Variants in ECT2 observed in about 807,000 individuals in gnomAD.
ECT2 encodes epithelial cell transforming 2.
A neutral mutation model predicts 116.9 loss-of-function variants in ECT2; 61 were observed. That is an observed-to-expected ratio of 0.52 (90% CI 0.42 to 0.65). The LOEUF is 0.65. ECT2 is among the 30% of genes least tolerant of loss of function. The pLI is 0.00. For synonymous variants in ECT2, 358 were observed against 346.4 expected, an observed-to-expected ratio of 1.03 and a Z score of -0.37; for missense variants, 937 against 1,078.7, an observed-to-expected ratio of 0.87 and a Z score of 1.84.
At chr3:172,763,626 T>A (rs2108338537) in intron 11 of ECT2, among the ~76,000 whole-genome samples, 1 of 152,272 alleles carries the variant, frequency 6.6e-6, no homozygotes, top group African/African-American at 2.4e-5. Flanking sequence ...AAGATGAGTT[T>A]GATAGTAGAA....
At position 172,805,873 on chromosome 3, in the gene ECT2, T is replaced by A. The variant is rs1407658220; in HGVS notation, c.2245+4T>A. On this transcript the variant is annotated splice_donor_region_variant and intron_variant, in intron 21 of 24. Transcript: ENST00000392692. The stretch of plus-strand genomic sequence containing the variant: ...TTGGACATAAGAGAGACAGAAGGTA[T>A]GCCGGTCGGATACATTCTTGGTTAT... 2 of 1,612,206 alleles carry A rather than the reference T, an allele frequency of 1.2e-6. No homozygotes were observed. Among genetic ancestry groups the A allele is most frequent in the Non-Finnish European group, 1.7e-6 (2 of 1,179,122 alleles).
intron 1 of ECT2, among the ~76,000 whole-genome samples, chr3:172,753,110 TAG>T (rs754666427): frequency 1.3e-5 from 2 of 152,174 alleles, no homozygotes; most frequent in African/African-American, 4.8e-5. Context: ...AAAATTTTTT[TAG>T]AGAGACAGGG....
At chr3:172,805,177 CTA>C (rs1030973782) in intron 20 of ECT2, among the ~76,000 whole-genome samples, 4 of 151,400 alleles carry the variant, frequency 2.6e-5, no homozygotes, top group African/African-American at 9.8e-5. Context: ...TGGGTAAAAT[CTA>C]TGTTTTCTTA....
intron 18 of ECT2, among the ~76,000 whole-genome samples, chr3:172,790,992 TA>T (rs1326837683): frequency 6.6e-6 from 1 of 152,160 alleles, no homozygotes; most frequent in African/African-American, 2.4e-5. Flanking sequence ...CCATCTGTAC[TA>T]AAAGTACAAA....
intron 16 of ECT2, 139 bp downstream of exon 16, chr3:172,784,048 G>A: frequency 8.4e-6 from 5 of 594,838 alleles, no homozygotes; most frequent in Non-Finnish European, 1.4e-5. Context: ...GTACTTATGG[G>A]TGACCATGAT....
chr3:172,811,575 A>G (rs531772905), intron 22 of ECT2, among the ~76,000 whole-genome samples: 1 of 152,152 alleles, frequency 6.6e-6, no homozygotes, highest in African/African-American at 2.4e-5. Flanking sequence ...TAGTTCATTG[A>G]TGGTTATTAA....
At chr3:172,761,190 G>T (rs2108293437) in intron 7 of ECT2, among the ~76,000 whole-genome samples, 1 of 152,236 alleles carries the variant, frequency 6.6e-6, no homozygotes, top group East Asian at 1.9e-4. Context: ...GTCTCCCTTA[G>T]TGTATTTGTG....
At chr3:172,791,951 C>T (rs1559991597) in intron 18 of ECT2, among the ~76,000 whole-genome samples, 1 of 152,136 alleles carries the variant, frequency 6.6e-6, no homozygotes, top group Admixed American at 6.5e-5. Flanking sequence ...GTGACTCCTC[C>T]TTTCACTTAA....
At chr3:172,811,691 C>G (rs1330999899) in intron 22 of ECT2, among the ~76,000 whole-genome samples, 1 of 152,036 alleles carries the variant, frequency 6.6e-6, no homozygotes, top group African/African-American at 2.4e-5. Context: ...AGCATTTCAG[C>G]AAAATTAAAC....
At chr3:172,789,314 C>T (rs1724216138) in intron 18 of ECT2, among the ~76,000 whole-genome samples, 1 of 151,698 alleles carries the variant, frequency 6.6e-6, no homozygotes, top group Non-Finnish European at 1.5e-5. Context: ...CCACCTCCTC[C>T]CACCTCATCC....
chr3:172,791,915 AG>A (rs2108823284), intron 18 of ECT2, among the ~76,000 whole-genome samples: 1 of 152,306 alleles, frequency 6.6e-6, no homozygotes, highest in Non-Finnish European at 1.5e-5. Context: ...AATCATTTCT[AG>A]CTTTTGATTT....
At chr3:172,797,712 T>G (rs1024820755) in intron 18 of ECT2, among the ~76,000 whole-genome samples, 1 of 152,226 alleles carries the variant, frequency 6.6e-6, no homozygotes, top group African/African-American at 2.4e-5. Context: ...TTTGCCTTTT[T>G]GATAACTGGC....
chr3:172,825,643 CTCTT>C (rs1205855574), downstream of ECT2, among the ~76,000 whole-genome samples: 6 of 152,298 alleles, frequency 3.9e-5, no homozygotes, highest in South Asian at 6.2e-4. Flanking sequence ...ATCCTTAACT[CTCTT>C]TCAATTCTAT....
intron 12 of ECT2, among the ~76,000 whole-genome samples, chr3:172,766,736 A>G (rs1719468070): frequency 6.6e-6 from 1 of 152,240 alleles, no homozygotes; most frequent in East Asian, 1.9e-4. Context: ...AGTTACATTA[A>G]GGCAGAACTA....
chr3:172,754,692 T>C, intron 2 of ECT2, 32 bp downstream of exon 2: 2 of 1,517,534 alleles, frequency 1.3e-6, no homozygotes, highest in Non-Finnish European at 1.8e-6. Flanking sequence ...AAACAATCAA[T>C]TTCTATTTTA....
intron 18 of ECT2, among the ~76,000 whole-genome samples, chr3:172,794,745 C>A (rs1020136046): frequency 6.6e-6 from 1 of 152,082 alleles, no homozygotes; most frequent in Non-Finnish European, 1.5e-5. Flanking sequence ...GAAACGGAGT[C>A]TCAGTGTCAC....
chr3:172,829,205 C>A, the ECT2 span: 1 of 370,052 alleles, frequency 2.7e-6, no homozygotes, highest in Non-Finnish European at 5.0e-6. Flanking sequence ...CCCTTGGTCT[C>A]GGCGCCCAGC....
rs1722789711 is a variant in ECT2 at position 172,782,067 on chromosome 3, A to G, written c.1549-96A>G. On this transcript the variant is annotated intron_variant, in intron 14 of 24. Transcript: ENST00000392692. ...TACACATCAAATTAAGACACTTTGT[A>G]AAGTGCTTCTTTCCAATGAGTATCT... 9 of 593,686 alleles carry G rather than the reference A, an allele frequency of 1.5e-5. No individual in the cohort carries two copies. In the South Asian group the frequency reaches 3.7e-4, roughly 24 times the overall value. 36.8% of individuals were successfully genotyped at this position (593,686 alleles called of 1,614,324 possible).
At chr3:172,810,506 T>G (rs1030576926) in intron 22 of ECT2, among the ~76,000 whole-genome samples, 1 of 152,194 alleles carries the variant, frequency 6.6e-6, no homozygotes, top group African/African-American at 2.4e-5. Context: ...ACTATAATTA[T>G]TCTTCCATTT....
Sources: gnomAD v4.1 joint callset for allele counts (sites outside exome capture counted in the v4.1 genomes callset) on GRCh38, gnomAD v4.1.1 for gene constraint, MANE v1.5 for transcripts, NCBI Gene and HGNC (gene_info 2026-07-23, HGNC 2026-07-21) for gene names.